The following ZFHX3 variants were observed in gnomAD, a reference collection of about 807,000 sequenced individuals.
ZFHX3 encodes the protein zinc finger homeobox protein 3.
Under a neutral mutation model 279.1 loss-of-function variants are expected in ZFHX3, and 42 were observed. The ratio of observed to expected loss-of-function variants is 0.15; its 90% CI spans 0.12 to 0.19. ZFHX3 has a LOEUF of 0.19. ZFHX3 is among the 10% of genes least tolerant of loss of function. ZFHX3 has a pLI of 1.00. For synonymous variants in ZFHX3, 2,293 were observed against 1,957.8 expected, an observed-to-expected ratio of 1.17 and a Z score of -4.52; for missense variants, 4,981 against 4,754.0, an observed-to-expected ratio of 1.05 and a Z score of -1.40.
chr16:73,270,501 A>G (rs1387306391), intron 4 of ZFHX3, among the ~76,000 whole-genome samples: 3 of 152,342 alleles, frequency 2.0e-5, no homozygotes, highest in Non-Finnish European at 2.9e-5. Context: ...CCCAGGGTCA[A>G]ACACAACAGC....
At chr16:73,716,857 T>A (rs559152948) in intron 1 of ZFHX3, among the ~76,000 whole-genome samples, 1 of 152,268 alleles carries the variant, frequency 6.6e-6, no homozygotes, top group African/African-American at 2.4e-5. Context: ...CGGCTCGCTC[T>A]CTGCATCACA....
At chr16:73,008,611 T>C (rs1963800590) in intron 1 of ZFHX3, among the ~76,000 whole-genome samples, 2 of 152,142 alleles carry the variant, frequency 1.3e-5, no homozygotes, top group African/African-American at 4.8e-5. Context: ...GAAGAGGATG[T>C]TAAGTCTCTG....
At chr16:73,064,812 A>C (rs1965726361) in intron 8 of ZFHX3, among the ~76,000 whole-genome samples, 1 of 152,200 alleles carries the variant, frequency 6.6e-6, no homozygotes, top group Non-Finnish European at 1.5e-5. Context: ...GAAATCTGAA[A>C]TCCAACCTTG....
At chr16:73,068,212 C>T (rs754638994) in intron 8 of ZFHX3, among the ~76,000 whole-genome samples, 7 of 152,176 alleles carry the variant, frequency 4.6e-5, no homozygotes, top group Non-Finnish European at 8.8e-5. Context: ...AGTGGCTCAG[C>T]TTGAATTTGA....
intron 2 of ZFHX3, among the ~76,000 whole-genome samples, chr16:73,543,674 ATTTC>A (rs2020055958): frequency 6.6e-6 from 1 of 151,906 alleles, no homozygotes; most frequent in South Asian, 2.1e-4. Context: ...AGGGTCCGAT[ATTTC>A]TTTCTTTTCC....
chr16:73,485,616 G>A (rs573776854), intron 2 of ZFHX3, among the ~76,000 whole-genome samples: 1 of 152,194 alleles, frequency 6.6e-6, no homozygotes, highest in East Asian at 1.9e-4. Flanking sequence ...TCCCTTCTCA[G>A]AGTTCCAGCC....
At chr16:73,626,138 G>A (rs2052414325) in intron 2 of ZFHX3, among the ~76,000 whole-genome samples, 1 of 152,160 alleles carries the variant, frequency 6.6e-6, no homozygotes, top group Non-Finnish European at 1.5e-5. Context: ...TTACAGGCGT[G>A]AGCCACCACG....
intron 7 of ZFHX3, among the ~76,000 whole-genome samples, chr16:73,121,593 C>T (rs1196217113): frequency 1.3e-5 from 2 of 151,374 alleles, no homozygotes; most frequent in African/African-American, 4.9e-5. Flanking sequence ...ACTTATTAGG[C>T]TGGCGCAGAA....
At chr16:72,905,733 G>A (rs1241643562) in intron 3 of ZFHX3, among the ~76,000 whole-genome samples, 1 of 152,206 alleles carries the variant, frequency 6.6e-6, no homozygotes, top group African/African-American at 2.4e-5. Flanking sequence ...TGGTGTGAAA[G>A]TGTTCAGATA....
intron 2 of ZFHX3, among the ~76,000 whole-genome samples, chr16:73,577,547 A>T (rs1597008376): frequency 6.6e-6 from 1 of 152,154 alleles, no homozygotes; most frequent in Non-Finnish European, 1.5e-5. Context: ...TTAATTAATC[A>T]CTTCCGCTCA....
chr16:73,610,838 A>G (rs1416478605), intron 2 of ZFHX3, among the ~76,000 whole-genome samples: 3 of 152,320 alleles, frequency 2.0e-5, no homozygotes, highest in South Asian at 4.1e-4. Context: ...TTAGATACAT[A>G]GATTCTAAAT....
chr16:72,842,921 T>A (rs1567543458), intron 4 of ZFHX3, among the ~76,000 whole-genome samples: 1 of 152,164 alleles, frequency 6.6e-6, no homozygotes, highest in Non-Finnish European at 1.5e-5. Context: ...AAAAGGGACA[T>A]TGGATTAAAA....
intron 7 of ZFHX3, among the ~76,000 whole-genome samples, chr16:72,802,446 G>A (rs2036133951): frequency 6.6e-6 from 1 of 152,088 alleles, no homozygotes; most frequent in South Asian, 2.1e-4. Context: ...ATGCTCCTCT[G>A]CATCTTAATC....
At chr16:73,127,921 T>A (rs1046760602) in intron 7 of ZFHX3, among the ~76,000 whole-genome samples, 2 of 152,240 alleles carry the variant, frequency 1.3e-5, no homozygotes, top group African/African-American at 2.4e-5. Flanking sequence ...ATAGAAGTGA[T>A]GCATGTCCCT....
chr16:73,236,608 T>A (rs1280597516), intron 5 of ZFHX3, among the ~76,000 whole-genome samples: 1 of 151,680 alleles, frequency 6.6e-6, no homozygotes, highest in African/African-American at 2.4e-5. Flanking sequence ...AAAAAAAAAA[T>A]AAGTAGTGAT....
intron 1 of ZFHX3, among the ~76,000 whole-genome samples, chr16:73,850,678 C>T (rs927696344): frequency 3.7e-4 from 56 of 151,528 alleles, no homozygotes; most frequent in African/African-American, 1.2e-3. Context: ...GTGGACCCCA[C>T]CCCAACCCAC....
intron 3 of ZFHX3, among the ~76,000 whole-genome samples, chr16:73,450,426 A>G (rs1303772825): frequency 6.6e-6 from 1 of 152,004 alleles, no homozygotes; most frequent in Non-Finnish European, 1.5e-5. Context: ...ACCACTTTTA[A>G]TTTTATGTAG....
chr16:72,811,441 C>T, intron 7 of ZFHX3, 136 bp downstream of exon 7: 1 of 979,204 alleles, frequency 1.0e-6, no homozygotes, highest in East Asian at 2.7e-5. Context: ...ACAAAGGTCA[C>T]AGAACAAGGA....
intron 3 of ZFHX3, 42 bp from the exon 4 acceptor site, chr16:72,890,004 C>T (rs759790150): frequency 6.4e-7 from 1 of 1,559,340 alleles, no homozygotes; most frequent in South Asian, 1.2e-5. Context: ...GGGTAAGCCA[C>T]TCGAAGCGGC....
Sources: gnomAD v4.1 joint callset for allele counts (sites outside exome capture counted in the v4.1 genomes callset) on GRCh38, gnomAD v4.1.1 for gene constraint, MANE v1.5 for transcripts, NCBI Gene and HGNC (gene_info 2026-07-23, HGNC 2026-07-21) for gene names.